DGKG: variants seen among roughly 807,000 people sequenced by gnomAD.
DGKG encodes diacylglycerol kinase gamma.
In DGKG, 78 loss-of-function variants were observed where a neutral mutation model predicts 105.3. The observed-to-expected ratio is 0.74, with a 90% CI of 0.62 to 0.89. The LOEUF (loss-of-function observed/expected upper bound fraction) is 0.89, where lower values mean the gene tolerates loss of function less well. DGKG is among the 40% of genes least tolerant of loss of function. The pLI, the probability that DGKG is intolerant of heterozygous loss-of-function variation, is 0.00. For synonymous variants in DGKG, 346 were observed against 367.1 expected (o/e 0.94, Z 0.66); for missense variants, 958 against 1,020.1 (o/e 0.94, Z 0.83).
At chr3:186,310,275 A>AAAAACAAAC (rs1244178698) in intron 2 of DGKG, among the ~76,000 whole-genome samples, 1 of 148,536 alleles carries the variant, frequency 6.7e-6, no homozygotes, top group Non-Finnish European at 1.5e-5. Context: ...CAAAAAAAAA[A>AAAAACAAAC]AAAAAAAAAA....
At chr3:186,320,872 T>C (rs1578831093) in intron 1 of DGKG, among the ~76,000 whole-genome samples, 165 bp from the exon 2 acceptor site, 1 of 152,066 alleles carries the variant, frequency 6.6e-6, no homozygotes, top group Non-Finnish European at 1.5e-5. Context: ...GTCTGGCTGG[T>C]GGTGAGAGTT....
At chr3:186,310,040 G>C (rs1439594178) in intron 2 of DGKG, among the ~76,000 whole-genome samples, 2 of 149,816 alleles carry the variant, frequency 1.3e-5, no homozygotes, top group Non-Finnish European at 3.0e-5. Flanking sequence ...AGGCTGAGGC[G>C]GGCGGATCAC....
intron 1 of DGKG, among the ~76,000 whole-genome samples, chr3:186,326,563 T>A (rs1369846084): frequency 6.6e-6 from 1 of 152,162 alleles, no homozygotes; most frequent in Non-Finnish European, 1.5e-5. Context: ...CCATATTTTT[T>A]AACTATCTTC....
In DGKG at chr3:186,284,513, G is replaced by T; in HGVS notation, c.594+147C>A. ...GCCCTTTGGAAATAGCGGGTGGAGA[G>T]GTCCTAGTCGGATTTCCTCAGCCTG... On this transcript the variant is annotated intron_variant, in intron 7 of 24. Coordinates refer to ENST00000265022, the MANE Select transcript of DGKG (RefSeq NM_001346.3). The surrounding 1 kb of genome is among the most constrained non-coding windows in gnomAD (Gnocchi z 4.0). 1.4e-6 allele frequency: 1 copy of T among 717,666 alleles called. No homozygotes were observed. Among genetic ancestry groups the T allele is most frequent in the Non-Finnish European group, 2.5e-6 (1 of 405,724 alleles). The allele number at this position is 717,666 out of a possible 1,614,324, so 44.5% of individuals were successfully genotyped here.
intron 1 of DGKG, among the ~76,000 whole-genome samples, chr3:186,347,319 G>T (rs1001671860): frequency 2.6e-5 from 4 of 151,534 alleles, no homozygotes; most frequent in African/African-American, 9.7e-5. Flanking sequence ...ATGGTGGCAC[G>T]CGCCTGCAGT....
At chr3:186,199,727 G>T (rs1007905319) in intron 21 of DGKG, among the ~76,000 whole-genome samples, 2 of 151,998 alleles carry the variant, frequency 1.3e-5, no homozygotes, top group Non-Finnish European at 2.9e-5. Flanking sequence ...TGGCCAGGCT[G>T]GTCTTGAACA....
In DGKG at chr3:186,147,296, A is replaced by T. The variant is rs188560144; in HGVS notation, c.*2794T>A. The T allele has an allele frequency of 7.1e-6, 7 of 985,838 alleles. No homozygotes were observed. In the Admixed American group the frequency reaches 3.7e-4, roughly 52 times the overall value. The allele number at this position is 985,838 out of a possible 1,614,324, so 61.1% of individuals were successfully genotyped here. On this transcript the variant is annotated 3_prime_UTR_variant, in exon 25 of 25. Transcript: ENST00000265022. ...TGGCCAGAATCAGAATAAGATAAGAAATAAGGGATTAGGTTCTCCCCTGAC... is the reference window on the plus strand; with the variant it reads ...TGGCCAGAATCAGAATAAGATAAGATATAAGGGATTAGGTTCTCCCCTGAC...
At chr3:186,215,751 T>G (rs1278799052) in intron 20 of DGKG, among the ~76,000 whole-genome samples, 1 of 152,014 alleles carries the variant, frequency 6.6e-6, no homozygotes, top group Non-Finnish European at 1.5e-5. Context: ...ATAGCCAAGT[T>G]TTTGTCTTAG....
intron 2 of DGKG, among the ~76,000 whole-genome samples, chr3:186,316,676 C>T (rs1724833462): frequency 1.3e-5 from 2 of 152,036 alleles, no homozygotes; most frequent in Admixed American, 6.6e-5. Context: ...TTTAAGATGC[C>T]CCACCCTCAC....
intron 17 of DGKG, among the ~76,000 whole-genome samples, chr3:186,256,431 C>T (rs553254645): frequency 1.3e-5 from 2 of 152,290 alleles, no homozygotes; most frequent in Admixed American, 1.3e-4. Context: ...CTAAAGATAT[C>T]CAGAAGCTGG....
chr3:186,262,663 G>A (rs985156323), intron 14 of DGKG, among the ~76,000 whole-genome samples: 2 of 152,208 alleles, frequency 1.3e-5, no homozygotes, highest in Admixed American at 6.5e-5. Context: ...CTATTCTACT[G>A]TTATCTCCTA....
chr3:186,188,212 G>A lies in DGKG; in HGVS notation c.2085C>T (p.Phe695=). ...TCATTCCTGGCTTACCTTGAACGCA[G>A]AATTTCAGTTCTTTGGGGTCAGTGA... ...KGVTDPKELK[F]CVQDLSDQLL... Residue 695 remains phenylalanine (F), a synonymous_variant, in exon 22 of 25, where the codon TTC becomes TTT. Transcript: ENST00000265022. 1.9e-6 allele frequency: 3 copies of A among 1,614,150 alleles called. No individual in the cohort carries two copies. The highest frequency in any genetic ancestry group is 2.5e-6 in the Non-Finnish European group (3 of 1,180,030).
intron 21 of DGKG, among the ~76,000 whole-genome samples, chr3:186,197,343 G>A (rs1236689629): frequency 6.6e-6 from 1 of 152,054 alleles, no homozygotes; most frequent in Non-Finnish European, 1.5e-5. Context: ...TTTGATGCCT[G>A]GGCTCCAGAT....
At chr3:186,176,168 C>A (rs1162310719) in intron 22 of DGKG, among the ~76,000 whole-genome samples, 1 of 152,176 alleles carries the variant, frequency 6.6e-6, no homozygotes, top group African/African-American at 2.4e-5. Flanking sequence ...ATGCTGAATT[C>A]TTTGGCTCGA....
chr3:186,219,932 T>C (rs1052351877), intron 20 of DGKG, among the ~76,000 whole-genome samples: 1 of 152,240 alleles, frequency 6.6e-6, no homozygotes, highest in Admixed American at 6.5e-5. Context: ...GGACTTATTA[T>C]AGCCAGGGGA....
chr3:186,201,660 A>G (rs576474666), intron 21 of DGKG, among the ~76,000 whole-genome samples: 3 of 152,324 alleles, frequency 2.0e-5, no homozygotes, highest in Non-Finnish European at 4.4e-5. Flanking sequence ...CAAATGCAGC[A>G]AGGTGGGCCC....
chr3:186,340,912 A>G (rs113210875), intron 1 of DGKG, among the ~76,000 whole-genome samples: 3,832 of 152,210 alleles, frequency 0.025, 143 homozygotes, highest in African/African-American at 0.088. Context: ...GTTTCTGGGT[A>G]GGGGCTTCTT....
intron 20 of DGKG, among the ~76,000 whole-genome samples, chr3:186,219,057 G>T (rs1447364369): frequency 6.7e-6 from 1 of 149,896 alleles, no homozygotes; most frequent in African/African-American, 2.5e-5. Context: ...TAATAATATT[G>T]ACAGTACTTT....
chr3:186,152,463 C>T (rs1471494837), intron 24 of DGKG, among the ~76,000 whole-genome samples: 1 of 151,836 alleles, frequency 6.6e-6, no homozygotes, highest in African/African-American at 2.4e-5. Flanking sequence ...TTCTCTCACT[C>T]CTGATCTCCC....
Sources: gnomAD v4.1 joint callset for allele counts (sites outside exome capture counted in the v4.1 genomes callset) on GRCh38, gnomAD v4.1.1 for gene constraint, Gnocchi (gnomAD v3.1) non-coding constraint, MANE v1.5 for transcripts, NCBI Gene and HGNC (gene_info 2026-07-23, HGNC 2026-07-21) for gene names.